The following TENM1 variants were observed in gnomAD, a reference collection of about 807,000 sequenced individuals.
TENM1 encodes teneurin transmembrane protein 1.
In TENM1, 35 loss-of-function variants were observed where a neutral mutation model predicts 174.8. That is an observed-to-expected ratio of 0.20 (90% CI 0.15 to 0.27). The LOEUF (loss-of-function observed/expected upper bound fraction) is 0.27, where lower values mean the gene tolerates loss of function less well. TENM1 is among the 10% of genes least tolerant of loss of function. The pLI, the probability that TENM1 is intolerant of heterozygous loss-of-function variation, is 1.00. For synonymous variants in TENM1, 781 were observed against 798.7 expected, an observed-to-expected ratio of 0.98 and a Z score of 0.37; for missense variants, 1,633 against 2,130.1, an observed-to-expected ratio of 0.77 and a Z score of 4.59.
intron 25 of TENM1, among the ~76,000 whole-genome samples, chrX:124,408,078 C>T (rs1412549486): frequency 9.0e-6 from 1 of 111,313 alleles, no homozygotes; most frequent in Non-Finnish European, 1.9e-5. Context: ...CACTTTAGCC[C>T]CAACCTTGTC....
chrX:124,692,461 T>C (rs1002562449), intron 5 of TENM1, among the ~76,000 whole-genome samples: 1 of 110,564 alleles, frequency 9.0e-6, no homozygotes, highest in Non-Finnish European at 1.9e-5. Context: ...ATAATTACTA[T>C]TATAATACAT....
intron 4 of TENM1, among the ~76,000 whole-genome samples, chrX:124,727,792 G>T (rs1740235311): frequency 9.0e-6 from 1 of 110,817 alleles, no homozygotes; most frequent in African/African-American, 3.3e-5. Flanking sequence ...TAAAATGAGG[G>T]TGCAAATTTC....
intron 11 of TENM1, among the ~76,000 whole-genome samples, chrX:124,638,787 C>A (rs1235251057): frequency 8.9e-6 from 1 of 111,736 alleles, no homozygotes; most frequent in Non-Finnish European, 1.9e-5. Context: ...ACTGAGCTCA[C>A]CATAGCTGGC....
intron 31 of TENM1, among the ~76,000 whole-genome samples, chrX:124,381,575 G>T (rs2060157846): frequency 9.0e-6 from 1 of 111,266 alleles, no homozygotes; most frequent in Non-Finnish European, 1.9e-5. Context: ...ACTTTAAGTT[G>T]GTCCAGCTCT....
At chrX:124,740,325 T>TATC (rs1399300498) in intron 3 of TENM1, among the ~76,000 whole-genome samples, 1 of 111,883 alleles carries the variant, frequency 8.9e-6, no homozygotes, top group Non-Finnish European at 1.9e-5. Context: ...AGAAAAAGAA[T>TATC]ATCTCATTGA....
chrX:124,784,480 G>T (rs771343205), intron 3 of TENM1, among the ~76,000 whole-genome samples: 42 of 111,623 alleles, frequency 3.8e-4, no homozygotes, highest in Admixed American at 1.4e-3. Flanking sequence ...ATATACAGCA[G>T]CCAATTTTTA....
At chrX:124,714,602 G>C (rs188963601) in intron 4 of TENM1, among the ~76,000 whole-genome samples, 1 of 111,652 alleles carries the variant, frequency 9.0e-6, no homozygotes, top group African/African-American at 3.2e-5. Flanking sequence ...AATTGTCATG[G>C]CTCCCTGCTT....
In TENM1 at chrX:124,652,518, T is replaced by C. The variant is rs2051335029; in HGVS notation, c.1369-394A>G. On this transcript the variant is annotated intron_variant, in intron 7 of 31. Coordinates refer to ENST00000422452, the Ensembl canonical transcript of TENM1. Reference sequence around the variant, plus strand: ...AGTATTCAAAATAATTGTTTAAAAATGAATAAATAAAAAACAGAAAGAAAT... The same window carrying C: ...AGTATTCAAAATAATTGTTTAAAAACGAATAAATAAAAAACAGAAAGAAAT... Among the ~76,000 whole-genome samples the C allele has an allele frequency of 2.7e-5, 3 of 112,169 alleles. No individual in the cohort carries two copies. The South Asian group carries it at 1.1e-3, about 41-fold the overall frequency.
At chrX:124,860,848 G>A (rs759986389) in intron 3 of TENM1, among the ~76,000 whole-genome samples, 13 of 111,458 alleles carry the variant, frequency 1.2e-4, no homozygotes, top group African/African-American at 4.2e-4. Context: ...ATGATTCTTG[G>A]GAGAACGTGA....
the TENM1 span, among the ~76,000 whole-genome samples, chrX:125,153,570 T>C: frequency 8.9e-6 from 1 of 112,494 alleles, no homozygotes; most frequent in Non-Finnish European, 1.9e-5. Flanking sequence ...TTCACTTTCA[T>C]AAAGTACTTC....
chrX:124,883,267 T>C (rs981909716), intron 3 of TENM1, among the ~76,000 whole-genome samples: 12 of 112,154 alleles, frequency 1.1e-4, no homozygotes, highest in Non-Finnish European at 2.1e-4. Context: ...TAGAAAATTT[T>C]TGCTTTGCTT....
chrX:125,106,609 C>T, the TENM1 span, among the ~76,000 whole-genome samples: 2 of 110,607 alleles, frequency 1.8e-5, no homozygotes, highest in South Asian at 3.8e-4. Context: ...CAGCGTTTCA[C>T]CGTGTTAGCC....
At chrX:124,604,388 C>G (rs967896576) in intron 11 of TENM1, among the ~76,000 whole-genome samples, 3 of 111,585 alleles carry the variant, frequency 2.7e-5, no homozygotes, top group Non-Finnish European at 3.8e-5. Flanking sequence ...AAAATGCTGG[C>G]TTCCTCAAAC....
At chrX:124,842,475 A>G (rs6608217) in intron 3 of TENM1, among the ~76,000 whole-genome samples, 6,073 of 111,534 alleles carry the variant, frequency 0.054, 388 homozygotes, top group African/African-American at 0.19. Flanking sequence ...GCCTTAGCTT[A>G]GGATGCCACA....
chrX:124,926,771 T>A (rs758715740), intron 1 of TENM1, among the ~76,000 whole-genome samples: 1 of 112,445 alleles, frequency 8.9e-6, no homozygotes, highest in Non-Finnish European at 1.9e-5. Context: ...GGAACTTGAA[T>A]TCACATCAAG....
chrX:124,471,414 T>G (rs1208161991), intron 22 of TENM1, among the ~76,000 whole-genome samples: 1 of 26,448 alleles, frequency 3.8e-5, no homozygotes, highest in Non-Finnish European at 6.5e-5. Context: ...TTATAATATA[T>G]AGTAATATAT....
the TENM1 span, among the ~76,000 whole-genome samples, chrX:125,120,112 G>T: frequency 9.9e-5 from 11 of 111,453 alleles, no homozygotes; most frequent in South Asian, 4.2e-3. Context: ...TCACCTTAAG[G>T]TTCCCTTGAG....
chrX:125,097,458 C>A, the TENM1 span, among the ~76,000 whole-genome samples: 42 of 111,582 alleles, frequency 3.8e-4, no homozygotes, highest in African/African-American at 1.3e-3. Flanking sequence ...GAAATAGTCA[C>A]AAAATTTTAT....
intron 11 of TENM1, among the ~76,000 whole-genome samples, chrX:124,621,854 C>T (rs1427582620): frequency 8.9e-6 from 1 of 111,807 alleles, no homozygotes; most frequent in Non-Finnish European, 1.9e-5. Flanking sequence ...AGTATTTGGC[C>T]CTGATACTAA....
Sources: allele counts gnomAD v4.1 joint callset (sites outside exome capture counted in the v4.1 genomes callset), GRCh38; gene constraint gnomAD v4.1.1; transcripts MANE v1.5; gene names NCBI Gene and HGNC (gene_info 2026-07-23, HGNC 2026-07-21).